Variants in CYTH3 observed in about 807,000 individuals in gnomAD.
CYTH3 encodes cytohesin 3.
CYTH3 carries 23 observed loss-of-function variants against 55.1 expected under a neutral mutation model. The observed-to-expected ratio is 0.42, with a 90% CI of 0.30 to 0.59. The LOEUF (loss-of-function observed/expected upper bound fraction) is 0.59, where lower values mean the gene tolerates loss of function less well. Among genes scored for constraint, CYTH3 ranks in the 20% least tolerant of loss-of-function variants. The probability of loss-of-function intolerance (pLI) is 0.20; values close to 1 mark genes in which losing one functional copy is unlikely to be tolerated. For missense variants in CYTH3, 413 were observed against 524.8 expected, an observed-to-expected ratio of 0.79 and a Z score of 2.08; for synonymous variants, 249 against 194.9, an observed-to-expected ratio of 1.28 and a Z score of -2.31.
At chr7:6,203,068 CTAGA>C (rs1267431597) in intron 1 of CYTH3, among the ~76,000 whole-genome samples, 6 of 151,990 alleles carry the variant, frequency 3.9e-5, no homozygotes, top group Admixed American at 2.6e-4. Flanking sequence ...CTATGAGTCA[CTAGA>C]TAATGATATT....
chr7:6,267,822 G>C (rs532784583), intron 1 of CYTH3, among the ~76,000 whole-genome samples: 5 of 152,182 alleles, frequency 3.3e-5, no homozygotes, highest in African/African-American at 1.2e-4. Context: ...GCGCCCAGCT[G>C]TATTTTTTAA....
At chr7:6,228,193 T>A (rs1000725129) in intron 1 of CYTH3, among the ~76,000 whole-genome samples, 2 of 152,210 alleles carry the variant, frequency 1.3e-5, no homozygotes, top group Admixed American at 1.3e-4. Flanking sequence ...TCTGCTCACC[T>A]TTTTTCCAGT....
At chr7:6,224,384 A>T (rs1779187278) in intron 1 of CYTH3, among the ~76,000 whole-genome samples, 2 of 152,202 alleles carry the variant, frequency 1.3e-5, no homozygotes, top group South Asian at 4.1e-4. Context: ...TATATTATTA[A>T]AAGTATTTAA....
chr7:6,248,424 C>T (rs2115044497), intron 1 of CYTH3, among the ~76,000 whole-genome samples: 1 of 152,274 alleles, frequency 6.6e-6, no homozygotes, highest in East Asian at 1.9e-4. Flanking sequence ...CTGGGAGCCT[C>T]CTTCTCTGAG....
intron 1 of CYTH3, among the ~76,000 whole-genome samples, chr7:6,229,757 C>A (rs924318282): frequency 6.6e-6 from 1 of 151,496 alleles, no homozygotes; most frequent in African/African-American, 2.4e-5. Context: ...GCGGAGTTTG[C>A]CATGAGCTGA....
chr7:6,251,794 A>G (rs1050958803), intron 1 of CYTH3, among the ~76,000 whole-genome samples: 1 of 152,256 alleles, frequency 6.6e-6, no homozygotes, highest in African/African-American at 2.4e-5. Context: ...TCTACAAAGA[A>G]TAACTCAGAT....
At chr7:6,225,483 A>C (rs930927699) in intron 1 of CYTH3, among the ~76,000 whole-genome samples, 2 of 151,172 alleles carry the variant, frequency 1.3e-5, no homozygotes, top group Non-Finnish European at 2.9e-5. Context: ...CCTCCCAAGT[A>C]GTTGGGATTA....
At chr7:6,206,894 G>A (rs1349195446) in intron 1 of CYTH3, among the ~76,000 whole-genome samples, 2 of 152,010 alleles carry the variant, frequency 1.3e-5, no homozygotes, top group African/African-American at 4.8e-5. Flanking sequence ...AGGGACAACG[G>A]GGGAGACGAT....
At chr7:6,176,734 G>T (rs556447439) in intron 5 of CYTH3, among the ~76,000 whole-genome samples, 2 of 152,208 alleles carry the variant, frequency 1.3e-5, no homozygotes, top group East Asian at 3.9e-4. Flanking sequence ...TAACTGTCCT[G>T]GCAAGGCGTG....
intron 4 of CYTH3, among the ~76,000 whole-genome samples, chr7:6,183,071 C>A (rs867304887): frequency 3.3e-5 from 5 of 152,214 alleles, no homozygotes; most frequent in Middle Eastern, 3.2e-3. Flanking sequence ...CTTGTTGGTG[C>A]TGCCACCCAC....
chr7:6,203,255 TAATATAC>T (rs1784100668), intron 1 of CYTH3, among the ~76,000 whole-genome samples: 1 of 152,094 alleles, frequency 6.6e-6, no homozygotes, highest in Non-Finnish European at 1.5e-5. Context: ...TTAATGGACA[TAATATAC>T]TTCACTGATT....
Position 6,165,820 on chromosome 7 carries a change from G to T in CYTH3, c.824-10C>A. On this transcript the variant is annotated splice_polypyrimidine_tract_variant and intron_variant, in intron 9 of 12. Coordinates refer to ENST00000350796, the MANE Select transcript of CYTH3 (RefSeq NM_004227.4). ...GTCTTCACACGCCCTCCTAGAAGCAGAAGGGCCCCGTGAGTCTGCGCTCCG... is the reference window on the plus strand; with the variant it reads ...GTCTTCACACGCCCTCCTAGAAGCATAAGGGCCCCGTGAGTCTGCGCTCCG... 1.2e-6 allele frequency: 2 copies of T among 1,613,964 alleles called. No homozygotes were observed. The highest frequency in any genetic ancestry group is 1.7e-6 in the Non-Finnish European group (2 of 1,179,962).
At chr7:6,176,169 A>G (rs1405308998) in intron 5 of CYTH3, among the ~76,000 whole-genome samples, 2 of 148,778 alleles carry the variant, frequency 1.3e-5, no homozygotes, top group Admixed American at 1.3e-4. Context: ...TAAGTATCTT[A>G]TTCCTTTTAA....
chr7:6,216,725 G>A (rs1051854696), intron 1 of CYTH3, among the ~76,000 whole-genome samples: 59 of 151,456 alleles, frequency 3.9e-4, no homozygotes, highest in African/African-American at 1.2e-3. Context: ...TGGGTGACAG[G>A]GTGAGACCCC....
intron 1 of CYTH3, among the ~76,000 whole-genome samples, chr7:6,205,965 T>C (rs904475230): frequency 2.0e-5 from 3 of 146,784 alleles, no homozygotes; most frequent in African/African-American, 7.6e-5. Flanking sequence ...CTTTAAAAAT[T>C]AGAGAAACAA....
chr7:6,196,448 CTTTT>C (rs937497224), intron 1 of CYTH3, among the ~76,000 whole-genome samples: 5 of 135,256 alleles, frequency 3.7e-5, no homozygotes, highest in Admixed American at 1.5e-4. Flanking sequence ...CATCTTTTTT[CTTTT>C]TTTCTTTTTT....
intron 1 of CYTH3, among the ~76,000 whole-genome samples, chr7:6,246,026 A>C (rs372978126): frequency 6.6e-6 from 1 of 152,276 alleles, no homozygotes; most frequent in South Asian, 2.1e-4. Context: ...TTGCTTCTTA[A>C]AGATTTTCTA....
At chr7:6,259,774 A>AT (rs1161916857) in intron 1 of CYTH3, among the ~76,000 whole-genome samples, 3 of 22,712 alleles carry the variant, frequency 1.3e-4, no homozygotes, top group African/African-American at 1.3e-3. Context: ...TATATATATT[A>AT]TATATATATA....
At chr7:6,203,098 CAA>C (rs780539971) in intron 1 of CYTH3, among the ~76,000 whole-genome samples, 3 of 151,362 alleles carry the variant, frequency 2.0e-5, no homozygotes, top group Non-Finnish European at 4.4e-5. Context: ...CAGTTATTCA[CAA>C]AGTCAGAATT....
Sources: gnomAD v4.1 joint callset for allele counts (sites outside exome capture counted in the v4.1 genomes callset) on GRCh38, gnomAD v4.1.1 for gene constraint, MANE v1.5 for transcripts, NCBI Gene and HGNC (gene_info 2026-07-23, HGNC 2026-07-21) for gene names.